Variants in KCNH1 observed in about 807,000 individuals in gnomAD.
KCNH1 encodes potassium voltage-gated channel subfamily H member 1.
In KCNH1, 27 loss-of-function variants were observed where a neutral mutation model predicts 69.2. That is an observed-to-expected ratio of 0.39 (90% CI 0.29 to 0.54). KCNH1 has a LOEUF of 0.54. Ranked by LOEUF, KCNH1 falls within the 20% of genes least tolerant of loss-of-function variation. KCNH1 has a pLI of 0.68. For synonymous variants in KCNH1, 456 were observed against 487.7 expected (o/e 0.93, Z 0.86); for missense variants, 798 against 1,261.6 (o/e 0.63, Z 5.57).
intron 3 of KCNH1, among the ~76,000 whole-genome samples, chr1:211,096,606 A>T (rs1404682153): frequency 6.6e-6 from 1 of 152,228 alleles, no homozygotes; most frequent in Admixed American, 6.5e-5. Context: ...TGCATTGATG[A>T]GTATAAAACA....
intron 6 of KCNH1, among the ~76,000 whole-genome samples, chr1:211,002,835 CAA>C (rs1406567950): frequency 6.6e-6 from 1 of 152,050 alleles, no homozygotes; most frequent in African/African-American, 2.4e-5. Flanking sequence ...GGATAGAGTG[CAA>C]AGAGTCAACC....
In KCNH1 at chr1:211,134,106, C is replaced by T; in HGVS notation, c.-161G>A. The T allele has an allele frequency of 1.9e-6, 1 of 538,110 alleles. No individual in the cohort carries two copies. Among genetic ancestry groups the T allele is most frequent in the Non-Finnish European group, 3.2e-6 (1 of 310,646 alleles). 33.3% of individuals were successfully genotyped at this position (538,110 alleles called of 1,614,324 possible). ...CGGCTCCCTCTGGCTGCTACCCTCG[C>T]GCCCTCTTCGCGCCTCCCTCCCTGC... is the stretch of plus-strand genomic sequence containing the variant. On this transcript the variant is annotated 5_prime_UTR_variant, in exon 1 of 11. Coordinates refer to ENST00000271751, the MANE Select transcript of KCNH1 (RefSeq NM_172362.3). The surrounding 1 kb of genome is among the most constrained non-coding windows in gnomAD (Gnocchi z 5.7).
chr1:210,989,320 T>C (rs1056920705), intron 6 of KCNH1, among the ~76,000 whole-genome samples: 2 of 152,242 alleles, frequency 1.3e-5, no homozygotes, highest in Non-Finnish European at 2.9e-5. Flanking sequence ...CACAAAATAC[T>C]ACTTTTGTGA....
intron 10 of KCNH1, among the ~76,000 whole-genome samples, chr1:210,747,895 A>T (rs1290039021): frequency 6.6e-6 from 1 of 152,254 alleles, no homozygotes; most frequent in African/African-American, 2.4e-5. Context: ...TAAAAAAATC[A>T]CACAAATATA....
rs577315699 is a variant in KCNH1, at chr1:210,860,915, T to A, written c.1463-56749A>T. On this transcript the variant is annotated intron_variant, in intron 7 of 10. Transcript: ENST00000271751. ...AGAGAGAACACATGATTCTGCAACA[T>A]GTATTCCATCTGATCATTACAGATC... is the stretch of plus-strand genomic sequence containing the variant. 1.3e-5 allele frequency: 12 copies of A among 944,154 alleles called. No individual in the cohort carries two copies. In the East Asian group the frequency reaches 2.6e-4, roughly 21 times the overall value. 58.5% of individuals were successfully genotyped at this position (944,154 alleles called of 1,614,324 possible). A position where few individuals can be genotyped will look rare whatever the true frequency, so the allele number is the denominator to read the frequency against.
intron 6 of KCNH1, among the ~76,000 whole-genome samples, chr1:211,011,683 G>A (rs111773992): frequency 2.6e-5 from 4 of 152,248 alleles, no homozygotes; most frequent in South Asian, 2.1e-4. Flanking sequence ...AGGCAGGATC[G>A]ACTTCCTGCT....
At chr1:210,868,085 G>C (rs1456352237) in intron 7 of KCNH1, among the ~76,000 whole-genome samples, 1 of 151,912 alleles carries the variant, frequency 6.6e-6, no homozygotes, top group East Asian at 1.9e-4. Context: ...CTGCCAACCT[G>C]ATTTCCAAAA....
chr1:210,874,791 A>G (rs1019941979), intron 7 of KCNH1, among the ~76,000 whole-genome samples: 1 of 152,232 alleles, frequency 6.6e-6, no homozygotes. Flanking sequence ...AAAAGGAAAT[A>G]TATTAATAGC....
At chr1:210,916,596 A>C (rs1273341976) in intron 7 of KCNH1, among the ~76,000 whole-genome samples, 1 of 152,192 alleles carries the variant, frequency 6.6e-6, no homozygotes, top group African/African-American at 2.4e-5. Context: ...TCTGAATCCT[A>C]TCTCTCCTGT....
chr1:210,776,251 C>T (rs1683859051), intron 9 of KCNH1, among the ~76,000 whole-genome samples: 2 of 152,124 alleles, frequency 1.3e-5, no homozygotes, highest in South Asian at 4.1e-4. Flanking sequence ...TCCCATACCT[C>T]CTTCCAGAGT....
intron 7 of KCNH1, among the ~76,000 whole-genome samples, chr1:210,854,330 G>T (rs913712895): frequency 2.0e-5 from 3 of 152,180 alleles, no homozygotes; most frequent in Admixed American, 2.0e-4. Context: ...GGGACTCAGA[G>T]AACAAATTGC....
intron 6 of KCNH1, among the ~76,000 whole-genome samples, chr1:211,011,783 A>AT (rs1689400299): frequency 6.6e-6 from 1 of 152,234 alleles, no homozygotes; most frequent in African/African-American, 2.4e-5. Context: ...AAGGCACAGC[A>AT]TCTACAGTCC....
intron 10 of KCNH1, among the ~76,000 whole-genome samples, chr1:210,710,348 T>C (rs1312159648): frequency 1.3e-5 from 2 of 151,756 alleles, no homozygotes; most frequent in South Asian, 2.1e-4. Context: ...TACACTACTA[T>C]AGACTATAAA....
intron 7 of KCNH1, among the ~76,000 whole-genome samples, chr1:210,866,291 T>G (rs1284862420): frequency 1.3e-5 from 2 of 152,154 alleles, no homozygotes; most frequent in Non-Finnish European, 2.9e-5. Context: ...CCTAAACTTT[T>G]GTACTGCAAA....
In KCNH1 at chr1:210,803,827, G is replaced by A. The variant is rs1476349488; in HGVS notation, c.1662+140C>T. 4 of 687,126 alleles carry A rather than the reference G, an allele frequency of 5.8e-6. No homozygotes were observed. The Admixed American group carries it at 7.7e-5, about 13-fold the overall frequency. The allele number at this position is 687,126 out of a possible 1,614,324, so 42.6% of individuals were successfully genotyped here. ...GATCTAGAAGCAAACAAGACCTCTG[G>A]AGGTAGGACCTGGAATCCCAAAGTA... is the stretch of plus-strand genomic sequence containing the variant. On this transcript the variant is annotated intron_variant, in intron 8 of 10. Coordinates refer to ENST00000271751, the MANE Select transcript of KCNH1 (RefSeq NM_172362.3).
At position 210,766,301 on chromosome 1, in the gene KCNH1, G is replaced by A. The variant is rs1318623507; in HGVS notation, c.2112+9047C>T. Reference sequence around the variant, plus strand: ...AGCACTTTGGGAGGCTGAGGCAGGCGGATCACCTGAGGTCAGGAGTTTGAG... The same window carrying A: ...AGCACTTTGGGAGGCTGAGGCAGGCAGATCACCTGAGGTCAGGAGTTTGAG... On this transcript the variant is annotated intron_variant, in intron 10 of 10. Coordinates refer to ENST00000271751, the MANE Select transcript of KCNH1 (RefSeq NM_172362.3). Among the ~76,000 whole-genome samples the A allele has an allele frequency of 5.9e-5, 9 of 151,492 alleles. No individual in the cohort carries two copies. The East Asian group carries it at 6.0e-4, about 10-fold the overall frequency.
At chr1:210,767,121 G>A (rs1683652164) in intron 10 of KCNH1, among the ~76,000 whole-genome samples, 1 of 152,204 alleles carries the variant, frequency 6.6e-6, no homozygotes, top group Admixed American at 6.5e-5. Context: ...TGGCAGATGG[G>A]TTCGAAATGT....
intron 10 of KCNH1, among the ~76,000 whole-genome samples, chr1:210,745,933 G>A (rs916737620): frequency 1.3e-5 from 2 of 152,118 alleles, no homozygotes; most frequent in East Asian, 3.9e-4. Context: ...GAGGGGGGGT[G>A]GTGCTTTTAC....
chr1:210,999,748 T>G (rs182654856), intron 6 of KCNH1, among the ~76,000 whole-genome samples: 7 of 152,306 alleles, frequency 4.6e-5, no homozygotes, highest in African/African-American at 1.7e-4. Context: ...TGATGAACAC[T>G]GATGCAGAAA....
Sources: gnomAD v4.1 joint callset for allele counts (sites outside exome capture counted in the v4.1 genomes callset) on GRCh38, gnomAD v4.1.1 for gene constraint, Gnocchi (gnomAD v3.1) non-coding constraint, MANE v1.5 for transcripts, NCBI Gene and HGNC (gene_info 2026-07-23, HGNC 2026-07-21) for gene names.